Variants in DLGAP1 observed in about 807,000 individuals in gnomAD.
DLGAP1 encodes DLG associated protein 1.
A neutral mutation model predicts 90.8 loss-of-function variants in DLGAP1; 11 were observed. The observed-to-expected ratio is 0.12, with a 90% CI of 0.08 to 0.20. DLGAP1 has a LOEUF of 0.20. Ranked by LOEUF, DLGAP1 falls within the 10% of genes least tolerant of loss-of-function variation. The probability of loss-of-function intolerance (pLI) is 1.00; values close to 1 mark genes in which losing one functional copy is unlikely to be tolerated. For synonymous variants in DLGAP1, 558 were observed against 540.7 expected (o/e 1.03, Z -0.44); for missense variants, 1,050 against 1,333.8 (o/e 0.79, Z 3.31).
chr18:3,633,126 G>A (rs906964157), intron 7 of DLGAP1, among the ~76,000 whole-genome samples: 7 of 152,156 alleles, frequency 4.6e-5, no homozygotes, highest in African/African-American at 1.2e-4. Flanking sequence ...GGCTGGGCAC[G>A]GTGGCTCATG....
chr18:3,586,635 T>A (rs930256110), intron 7 of DLGAP1, among the ~76,000 whole-genome samples: 2 of 152,040 alleles, frequency 1.3e-5, no homozygotes, highest in East Asian at 3.9e-4. Flanking sequence ...AAGATTGCCA[T>A]TTGAAGGAGA....
chr18:3,680,367 G>A (rs1460654276), intron 7 of DLGAP1, among the ~76,000 whole-genome samples: 2 of 152,212 alleles, frequency 1.3e-5, no homozygotes, highest in South Asian at 4.1e-4. Context: ...AGGCCTGAGG[G>A]CAGAAGGAAG....
At chr18:4,397,527 T>C (rs2082465695) in intron 1 of DLGAP1, among the ~76,000 whole-genome samples, 1 of 152,194 alleles carries the variant, frequency 6.6e-6, no homozygotes, top group African/African-American at 2.4e-5. Flanking sequence ...CATTTGTATA[T>C]TGTAACAGAA....
At chr18:4,311,964 C>T (rs1005387310) in intron 1 of DLGAP1, among the ~76,000 whole-genome samples, 3 of 152,218 alleles carry the variant, frequency 2.0e-5, no homozygotes, top group Non-Finnish European at 4.4e-5. Flanking sequence ...GATCCGCCAG[C>T]CTTGGCCTCC....
chr18:3,911,128 T>C (rs2072024374), intron 3 of DLGAP1, among the ~76,000 whole-genome samples: 1 of 152,222 alleles, frequency 6.6e-6, no homozygotes, highest in African/African-American at 2.4e-5. Context: ...GGTAAACTTG[T>C]GTTCTCCCTG....
chr18:3,646,909 GGC>G lies in DLGAP1; in HGVS notation c.1592-64663_1592-64662del, dbSNP rs1567893047. ...TACTGCACTTCAGCCTGGGCAACAG[GGC>G]GAGACTCCATCTCAAAATAAATAAA... is the stretch of plus-strand genomic sequence containing the variant. On this transcript the variant is annotated intron_variant, in intron 7 of 12. Coordinates refer to ENST00000315677, the MANE Select transcript of DLGAP1 (RefSeq NM_004746.4). Among the ~76,000 whole-genome samples the G allele has an allele frequency of 5.8e-3, 869 of 151,040 alleles. 9 individuals are homozygous for G. The highest frequency in any genetic ancestry group is 0.021 in the African/African-American group (841 of 40,996).
In DLGAP1 at chr18:3,548,667, T is replaced by C. The variant is rs374220231; in HGVS notation, c.2058-14052A>G. ...CGGATCGCGCCACTGCACATCATAC[T>C]TAAAGGTGAAAAACTACATATTTTC... On this transcript the variant is annotated intron_variant, in intron 9 of 12. Transcript: ENST00000315677. Among the ~76,000 whole-genome samples the C allele has an allele frequency of 5.3e-5, 8 of 152,108 alleles. 2 individuals are homozygous for C. The highest frequency in any genetic ancestry group is 1.9e-4 in the East Asian group (1 of 5,156).
chr18:3,746,011 A>T (rs1483468239), intron 5 of DLGAP1, among the ~76,000 whole-genome samples: 1 of 152,152 alleles, frequency 6.6e-6, no homozygotes, highest in African/African-American at 2.4e-5. Context: ...TATAGCTGCA[A>T]TGATGAAAAT....
At position 3,937,161 on chromosome 18, in the gene DLGAP1, C is replaced by T. The variant is rs546894014; in HGVS notation, c.-72-57021G>A. Among the ~76,000 whole-genome samples, 3 of 152,308 alleles carry T rather than the reference C, an allele frequency of 2.0e-5. No homozygotes were observed. The South Asian group carries it at 6.2e-4, about 32-fold the overall frequency. ...TGACTCGATGTGTGCTTTCAAGCTA[C>T]TACATTGCATTTAATGCAATTCCTG... On this transcript the variant is annotated intron_variant, in intron 3 of 12. Coordinates refer to ENST00000315677, the MANE Select transcript of DLGAP1 (RefSeq NM_004746.4).
At chr18:3,780,131 T>A (rs1230902205) in intron 5 of DLGAP1, among the ~76,000 whole-genome samples, 1 of 152,182 alleles carries the variant, frequency 6.6e-6, no homozygotes, top group African/African-American at 2.4e-5. Flanking sequence ...AAAAAAATTT[T>A]AAATTACAAA....
At chr18:4,405,968 G>A (rs1567896342) in intron 1 of DLGAP1, among the ~76,000 whole-genome samples, 2 of 152,212 alleles carry the variant, frequency 1.3e-5, no homozygotes, top group Non-Finnish European at 2.9e-5. Context: ...TGTGGGCGCA[G>A]GCTCAGCTCA....
At chr18:4,066,370 A>G (rs2075370051) in intron 2 of DLGAP1, among the ~76,000 whole-genome samples, 1 of 152,142 alleles carries the variant, frequency 6.6e-6, no homozygotes, top group Non-Finnish European at 1.5e-5. Flanking sequence ...AAAAAATAAA[A>G]CTATCAACAG....
At chr18:3,892,364 A>G (rs1449709663) in intron 3 of DLGAP1, among the ~76,000 whole-genome samples, 2 of 151,892 alleles carry the variant, frequency 1.3e-5, no homozygotes, top group African/African-American at 2.4e-5. Context: ...CCCATACCCC[A>G]CACAGCTCAG....
rs140446196 is a variant in DLGAP1, at chr18:3,705,817, C to T, written c.1591+23318G>A. On this transcript the variant is annotated intron_variant, in intron 7 of 12. Coordinates refer to ENST00000315677, the MANE Select transcript of DLGAP1 (RefSeq NM_004746.4). ...GGGATCACAGGCCTGTGCTACCACG[C>T]GCAGCTAATTTTTGTATTTTTAGTA... is the stretch of plus-strand genomic sequence containing the variant. Among the ~76,000 whole-genome samples the T allele has an allele frequency of 4.8e-3, 728 of 151,800 alleles. 7 individuals are homozygous for T. The highest frequency in any genetic ancestry group is 0.016 in the African/African-American group (650 of 41,402).
intron 2 of DLGAP1, among the ~76,000 whole-genome samples, chr18:4,052,715 AT>A: frequency 6.6e-6 from 1 of 152,202 alleles, no homozygotes. Flanking sequence ...TTTATTTTCT[AT>A]TGCATCATCA....
chr18:3,996,781 G>A (rs1333070658), intron 3 of DLGAP1, among the ~76,000 whole-genome samples: 1 of 151,922 alleles, frequency 6.6e-6, no homozygotes, highest in African/African-American at 2.4e-5. Context: ...AAATATATCT[G>A]TTTTCCATGG....
At chr18:4,164,910 C>T (rs561919242) in intron 1 of DLGAP1, among the ~76,000 whole-genome samples, 15 of 152,140 alleles carry the variant, frequency 9.9e-5, no homozygotes, top group Admixed American at 3.9e-4. Context: ...AACACAGAAT[C>T]GATGAACCTA....
At chr18:3,943,407 T>C (rs1038128385) in intron 3 of DLGAP1, among the ~76,000 whole-genome samples, 6 of 151,542 alleles carry the variant, frequency 4.0e-5, no homozygotes, top group Admixed American at 2.6e-4. Context: ...GTTTTTAAGG[T>C]GATAAACTGC....
chr18:3,858,501 T>TAC (rs1190917216), intron 4 of DLGAP1, among the ~76,000 whole-genome samples: 122 of 149,198 alleles, frequency 8.2e-4, no homozygotes, highest in African/African-American at 2.9e-3. Flanking sequence ...CGTGTATATA[T>TAC]ACATATATAT....
Sources: gnomAD v4.1 joint callset for allele counts (sites outside exome capture counted in the v4.1 genomes callset) on GRCh38, gnomAD v4.1.1 for gene constraint, MANE v1.5 for transcripts, NCBI Gene and HGNC (gene_info 2026-07-23, HGNC 2026-07-21) for gene names.